Variants in NUP214 observed in about 807,000 individuals in gnomAD.
NUP214 encodes nucleoporin 214.
NUP214 carries 79 observed loss-of-function variants against 196.2 expected under a neutral mutation model. That is an observed-to-expected ratio of 0.40 (90% CI 0.34 to 0.49). NUP214 has a LOEUF of 0.49. Among genes scored for constraint, NUP214 ranks in the 20% least tolerant of loss-of-function variants. NUP214 has a pLI of 0.58. For synonymous variants in NUP214, 1,020 were observed against 990.5 expected (o/e 1.03, Z -0.56); for missense variants, 2,468 against 2,539.0 (o/e 0.97, Z 0.60).
intron 17 of NUP214, among the ~76,000 whole-genome samples, chr9:131,156,813 G>A (rs1055034548): frequency 3.9e-5 from 6 of 151,900 alleles, no homozygotes; most frequent in African/African-American, 7.3e-5. Context: ...GTTTGGACGC[G>A]CTTTATTTTT....
chr9:131,157,247 C>T (rs1832480751), intron 17 of NUP214, among the ~76,000 whole-genome samples: 1 of 151,872 alleles, frequency 6.6e-6, no homozygotes, highest in Non-Finnish European at 1.5e-5. Flanking sequence ...ACTGCAGCCT[C>T]GAACTCGGGC....
At position 131,162,976 on chromosome 9, in the gene NUP214, C is replaced by T. The variant is rs754198129; in HGVS notation, c.2541-15C>T. ...AACCATTCATGTTTAATTCTTTTCT[C>T]ATTGTTGTCAACAGGCACCTGCTTG... On this transcript the variant is annotated splice_polypyrimidine_tract_variant and intron_variant, in intron 18 of 35. Coordinates refer to ENST00000359428, the MANE Select transcript of NUP214 (RefSeq NM_005085.4). 6.2e-7 allele frequency: 1 copy of T among 1,613,434 alleles called. No homozygotes were observed. Among genetic ancestry groups the T allele is most frequent in the East Asian group, 2.2e-5 (1 of 44,878 alleles).
intron 11 of NUP214, among the ~76,000 whole-genome samples, chr9:131,142,922 C>T (rs1831964733): frequency 2.0e-5 from 3 of 152,072 alleles, no homozygotes; most frequent in African/African-American, 4.8e-5. Context: ...AAAATATTGA[C>T]ACAAAGAATT....
At chr9:131,153,110 GCTTTCCATCTTTCAGTGTA>G (rs1832322892) in intron 17 of NUP214, 1 of 152,116 alleles carries the variant, frequency 6.6e-6, no homozygotes, top group Non-Finnish European at 1.5e-5. Flanking sequence ...ATCGGATTTT[GCTTTCCATCTTTCAGTGTA>G]CACCGAATCA....
intron 9 of NUP214, among the ~76,000 whole-genome samples, chr9:131,138,444 C>T (rs1469414054): frequency 6.6e-6 from 1 of 152,156 alleles, no homozygotes; most frequent in East Asian, 1.9e-4. Flanking sequence ...TTTCAAACTC[C>T]TGACCCCAGG....
Position 131,164,066 on chromosome 9 carries a change from C to T in NUP214, c.2815C>T (p.Leu939=). ...GGTTTATGGATTTCTTGCAGCCAAA[C>T]TGTCCCCCATGAAACAGGCACAACT... is the stretch of plus-strand genomic sequence containing the variant. ...TKSLPKVPAK[L]SPMKQAQLRN... Residue 939 remains leucine, a synonymous_variant, in exon 21 of 36, where the codon CTG becomes TTG. Coordinates refer to ENST00000359428, the MANE Select transcript of NUP214 (RefSeq NM_005085.4). 1 of 1,614,156 alleles carries T rather than the reference C, an allele frequency of 6.2e-7. No individual in the cohort carries two copies. The highest frequency in any genetic ancestry group is 8.5e-7 in the Non-Finnish European group (1 of 1,180,030).
intron 31 of NUP214, among the ~76,000 whole-genome samples, chr9:131,221,085 G>C (rs1834542454): frequency 6.6e-6 from 1 of 152,226 alleles, no homozygotes; most frequent in Admixed American, 6.5e-5. Context: ...TGAGAAGCCT[G>C]TTTTCATCTC....
At chr9:131,203,166 C>T (rs945461093) in intron 30 of NUP214, among the ~76,000 whole-genome samples, 4 of 151,478 alleles carry the variant, frequency 2.6e-5, no homozygotes, top group Admixed American at 1.3e-4. Context: ...AGGATGGTCT[C>T]GATCTCCTGA....
intron 21 of NUP214, among the ~76,000 whole-genome samples, chr9:131,171,563 T>G (rs76317876): frequency 2.0e-5 from 3 of 151,458 alleles, no homozygotes; most frequent in Non-Finnish European, 2.9e-5. Flanking sequence ...TTTTTTTTTT[T>G]TTGTTATACT....
rs1831840429 is a variant in NUP214, at chr9:131,139,370, T to A, written c.1095T>A (p.Val365=). 2 of 1,607,696 alleles carry A rather than the reference T, an allele frequency of 1.2e-6. No homozygotes were observed. Among genetic ancestry groups the A allele is most frequent in the Non-Finnish European group, 1.7e-6 (2 of 1,177,700 alleles). Reference sequence around the variant, plus strand: ...GTGATGACTCCTTGCCCATGGGAGTTGTCGTAGACTATACAAACCAAGTGG... The same window carrying A: ...GTGATGACTCCTTGCCCATGGGAGTAGTCGTAGACTATACAAACCAAGTGG... The part of the protein sequence containing the change: ...DKSDDSLPMG[V]VVDYTNQVEI... The change falls in exon 10 of 36, where the codon GTT becomes GTA. Residue 365 remains valine, a synonymous_variant. Transcript: ENST00000359428.
Position 131,197,676 on chromosome 9 carries a change from C to T in NUP214, c.4182C>T (p.Thr1394=). The T allele has an allele frequency of 6.2e-7, 1 of 1,614,198 alleles. No individual in the cohort carries two copies. Among genetic ancestry groups the T allele is most frequent in the Non-Finnish European group, 8.5e-7 (1 of 1,180,030 alleles). The stretch of plus-strand genomic sequence containing the variant: ...CCCCTGTGACATCCTCTGCAACCAC[C>T]ACCTCAGTAGCACCACCAGCAGCCA... ...TEPPVTSSAT[T]TSVAPPAATS... Residue 1394 remains threonine (T), a synonymous_variant, in exon 29 of 36, where the codon ACC becomes ACT. Transcript: ENST00000359428.
At chr9:131,174,381 T>C in intron 22 of NUP214, 63 bp downstream of exon 22, 1 of 1,546,614 alleles carries the variant, frequency 6.5e-7, no homozygotes, top group South Asian at 1.2e-5. Context: ...ATGACGGAAT[T>C]GTAACTGGGT....
rs1476803605 is a variant in NUP214, at chr9:131,144,382, C to T, written c.1397C>T (p.Pro466Leu). 1 of 1,614,042 alleles carries T rather than the reference C, an allele frequency of 6.2e-7. No homozygotes were observed. Among genetic ancestry groups the T allele is most frequent in the African/African-American group, 1.3e-5 (1 of 74,912 alleles). The change falls in exon 12 of 36, where the codon CCC becomes CTC. Residue 466 changes from proline (P) to leucine (L), a missense_variant. This residue lies in a region of NUP214 where 1,801 missense variants were observed against 1,779.4 expected (regional missense o/e 1.01). Coordinates refer to ENST00000359428, the MANE Select transcript of NUP214 (RefSeq NM_005085.4). ...CTGCCACCTTCATCACCTGCTGCTC[C>T]CATTGCCACTTTTTCTTTGCTTCCT... Reference protein sequence around the residue: ...ASLPPSSPAAPIATFSLLPAG... With the variant: ...ASLPPSSPAALIATFSLLPAG...
In NUP214 at chr9:131,147,524, C is replaced by CT. The variant is rs1564184703; in HGVS notation, c.1981dup (p.Ser661PhefsTer75). On this transcript the variant is annotated frameshift_variant, in exon 14 of 36. Coordinates refer to ENST00000359428, the MANE Select transcript of NUP214 (RefSeq NM_005085.4). LOFTEE classifies it high-confidence loss of function. Reference sequence around the variant, plus strand: ...CTCAGGGCAGTTCAAGCCCAGTGCCCTCAATGGTACAGAAATCACCCAGGA... The same window carrying CT: ...CTCAGGGCAGTTCAAGCCCAGTGCCCTTCAATGGTACAGAAATCACCCAGGA... 6.2e-7 allele frequency: 1 copy of CT among 1,614,100 alleles called. No homozygotes were observed. Among genetic ancestry groups the CT allele is most frequent in the East Asian group, 2.2e-5 (1 of 44,880 alleles).
intron 17 of NUP214, 156 bp from the exon 18 acceptor site, chr9:131,159,227 A>G: frequency 3.2e-6 from 2 of 625,810 alleles, no homozygotes; most frequent in Admixed American, 3.0e-5. Context: ...TTTTAATTAT[A>G]TAGTTTTAAA....
intron 23 of NUP214, among the ~76,000 whole-genome samples, chr9:131,178,009 A>G (rs946044814): frequency 1.1e-4 from 16 of 152,228 alleles, no homozygotes; most frequent in Non-Finnish European, 2.1e-4. Flanking sequence ...TTTCCAGGAC[A>G]GACCAGCAGT....
At chr9:131,161,836 C>A (rs975794037) in intron 18 of NUP214, among the ~76,000 whole-genome samples, 6 of 152,188 alleles carry the variant, frequency 3.9e-5, no homozygotes, top group African/African-American at 1.4e-4. Context: ...ACCTAGATGA[C>A]ATCACCTATT....
intron 21 of NUP214, among the ~76,000 whole-genome samples, chr9:131,170,209 G>A (rs1435875378): frequency 3.9e-5 from 6 of 152,060 alleles, no homozygotes; most frequent in African/African-American, 1.4e-4. Flanking sequence ...AAAAAAGAAG[G>A]GAGGCAGGAG....
chr9:131,130,296 A>T (rs1831508836), intron 4 of NUP214, among the ~76,000 whole-genome samples: 1 of 151,670 alleles, frequency 6.6e-6, no homozygotes, highest in African/African-American at 2.4e-5. Flanking sequence ...GGTGCCTGCC[A>T]CCATGCCCAG....
Sources: gnomAD v4.1 joint callset for allele counts (sites outside exome capture counted in the v4.1 genomes callset) on GRCh38, gnomAD v4.1.1 for gene constraint, gnomAD v4.1.1 regional missense constraint, MANE v1.5 for transcripts, NCBI Gene and HGNC (gene_info 2026-07-23, HGNC 2026-07-21) for gene names.